Variants in PCDHGB7 observed in about 807,000 individuals in gnomAD.
PCDHGB7 encodes protocadherin gamma subfamily B, 7, also known as protocadherin gamma-B7.
In PCDHGB7, 37 loss-of-function variants were observed where a neutral mutation model predicts 61.4. The ratio of observed to expected loss-of-function variants is 0.60; its 90% CI spans 0.46 to 0.79. The LOEUF is 0.79. PCDHGB7 is among the 30% of genes least tolerant of loss of function. The pLI, the probability that PCDHGB7 is intolerant of heterozygous loss-of-function variation, is 0.00. For missense variants in PCDHGB7, 1,166 were observed against 1,202.5 expected (o/e 0.97, Z 0.45); for synonymous variants, 464 against 503.5 (o/e 0.92, Z 1.05).
intron 1 of PCDHGB7, among the ~76,000 whole-genome samples, chr5:141,482,767 A>G (rs2099572087): frequency 6.6e-6 from 1 of 150,474 alleles, no homozygotes; most frequent in East Asian, 1.9e-4. Flanking sequence ...TTTCATTATC[A>G]CTGAACCTTA....
chr5:141,474,628 A>C (rs1169097645), intron 1 of PCDHGB7, among the ~76,000 whole-genome samples: 1 of 152,234 alleles, frequency 6.6e-6, no homozygotes, highest in Non-Finnish European at 1.5e-5. Flanking sequence ...TCTCTTCCGG[A>C]AATATCCTAT....
At chr5:141,451,926 T>G (rs994841982) in intron 1 of PCDHGB7, among the ~76,000 whole-genome samples, 5 of 151,122 alleles carry the variant, frequency 3.3e-5, no homozygotes, top group Non-Finnish European at 7.4e-5. Context: ...GGAAGGGAGG[T>G]AGGGAGGCAG....
intron 1 of PCDHGB7, among the ~76,000 whole-genome samples, chr5:141,448,571 C>G (rs1207283773): frequency 6.6e-6 from 1 of 152,128 alleles, no homozygotes; most frequent in Non-Finnish European, 1.5e-5. Flanking sequence ...TTTTATTTCC[C>G]CATTTTTTTT....
Position 141,477,707 on chromosome 5 carries a change from C to T in PCDHGB7, c.2416-17100C>T. ...AGTGCCCCTAGACTATGAGGATCGG[C>T]GGGAATTTGAATTAACAGCTCATAT... On this transcript the variant is annotated intron_variant, in intron 1 of 3. Transcript: ENST00000398594. The surrounding 1 kb of genome is among the most constrained non-coding windows in gnomAD (Gnocchi z 4.9). 6.2e-7 allele frequency: 1 copy of T among 1,613,952 alleles called. No individual in the cohort carries two copies. Among genetic ancestry groups the T allele is most frequent in the South Asian group, 1.1e-5 (1 of 91,086 alleles).
At chr5:141,420,945 G>C in intron 1 of PCDHGB7, 1 of 396,520 alleles carries the variant, frequency 2.5e-6, no homozygotes, top group South Asian at 5.1e-5. Flanking sequence ...ATTTCTTCTG[G>C]AATTTCTTAG....
intron 2 of PCDHGB7, among the ~76,000 whole-genome samples, chr5:141,499,829 G>A (rs1322405697): frequency 6.6e-6 from 1 of 151,548 alleles, no homozygotes; most frequent in African/African-American, 2.4e-5. Context: ...TAGGATTACA[G>A]GTGTGCACCA....
intron 1 of PCDHGB7, among the ~76,000 whole-genome samples, chr5:141,447,234 G>T (rs534523483): frequency 9.9e-4 from 150 of 152,170 alleles, no homozygotes; most frequent in Non-Finnish European, 1.8e-3. Flanking sequence ...CCGCCTCCCG[G>T]GTTCAAGTGA....
chr5:141,434,667 G>T (rs1464226862), intron 1 of PCDHGB7, among the ~76,000 whole-genome samples: 3 of 152,074 alleles, frequency 2.0e-5, no homozygotes, highest in East Asian at 3.9e-4. Context: ...CTATAGAAAT[G>T]ATGCTAATGA....
rs192631651 is a variant in PCDHGB7 at position 141,432,052 on chromosome 5, C to T, written c.2415+11778C>T. On this transcript the variant is annotated intron_variant, in intron 1 of 3. Transcript: ENST00000398594. This position sits in a 1 kb window ranked among gnomAD's most constrained non-coding sequence, Gnocchi z 6.0. ...CCGCCACTGACCGGGGAACCCCGCC[C>T]CTATCCACGGAAACTCATATCTCGC... is the stretch of plus-strand genomic sequence containing the variant. The T allele has an allele frequency of 1.2e-6, 2 of 1,614,108 alleles. No individual in the cohort carries two copies. The highest frequency in any genetic ancestry group is 1.3e-5 in the African/African-American group (1 of 74,930).
At chr5:141,488,236 T>G (rs1333427955) in intron 1 of PCDHGB7, among the ~76,000 whole-genome samples, 2 of 152,154 alleles carry the variant, frequency 1.3e-5, no homozygotes, top group Non-Finnish European at 2.9e-5. Context: ...TTGAACTAGA[T>G]GCGGTAAATT....
chr5:141,497,211 G>C (rs914346878), intron 2 of PCDHGB7, among the ~76,000 whole-genome samples: 19 of 28,538 alleles, frequency 6.7e-4, no homozygotes, highest in African/African-American at 2.3e-3. Flanking sequence ...GAGTGTAATG[G>C]GGGGGGGAAG....
At position 141,432,688 on chromosome 5, in the gene PCDHGB7, A is replaced by G. The variant is rs143889434; in HGVS notation, c.2415+12414A>G. On this transcript the variant is annotated intron_variant, in intron 1 of 3. Coordinates refer to ENST00000398594, the MANE Select transcript of PCDHGB7 (RefSeq NM_018927.4). The surrounding 1 kb of genome is among the most constrained non-coding windows in gnomAD (Gnocchi z 6.0). ...GAGACGCGCTCAAGCAGAGCCTCGT[A>G]GTGGCCGTCCAGGACCACGGCCAGC... 2,218 of 1,613,894 alleles carry G rather than the reference A, an allele frequency of 1.4e-3. 31 individuals are homozygous for G. The African/African-American group carries it at 0.023, about 17-fold the overall frequency.
chr5:141,422,470 T>C, intron 1 of PCDHGB7: 1 of 1,613,440 alleles, frequency 6.2e-7, no homozygotes, highest in Non-Finnish European at 8.5e-7. Flanking sequence ...GGACAGGGAG[T>C]TGGTCCAGAG....
rs1279890312 is a variant in PCDHGB7, at chr5:141,432,403, G to C, written c.2415+12129G>C. On this transcript the variant is annotated intron_variant, in intron 1 of 3. Transcript: ENST00000398594. This position sits in a 1 kb window ranked among gnomAD's most constrained non-coding sequence, Gnocchi z 6.0. ...CGCCCCTCAGCAGCAACGTGTCGTT[G>C]AGCCTGTTCGTGCTGGACCAGAACG... 1.9e-6 allele frequency: 3 copies of C among 1,614,242 alleles called. No homozygotes were observed. Among genetic ancestry groups the C allele is most frequent in the Non-Finnish European group, 8.5e-7 (1 of 1,180,052 alleles).
intron 1 of PCDHGB7, among the ~76,000 whole-genome samples, chr5:141,454,617 G>T (rs2098794218): frequency 6.6e-6 from 1 of 151,322 alleles, no homozygotes; most frequent in Non-Finnish European, 1.5e-5. Context: ...TGTTGGTCAG[G>T]CTGGTCTCGA....
rs533857281 is a variant in PCDHGB7 at position 141,429,742 on chromosome 5, T to C, written c.2415+9468T>C. Among the ~76,000 whole-genome samples the C allele has an allele frequency of 3.8e-4, 58 of 152,336 alleles. 1 individual carries two copies. Among genetic ancestry groups the C allele is most frequent in the Admixed American group, 2.0e-4 (3 of 15,302 alleles). Reference sequence around the variant, plus strand: ...ATGAAAGTACGTAGCCAGTTATTTCTTAGGGAGAATTTTTTCCCTATATTT... The same window carrying C: ...ATGAAAGTACGTAGCCAGTTATTTCCTAGGGAGAATTTTTTCCCTATATTT... On this transcript the variant is annotated intron_variant, in intron 1 of 3. Transcript: ENST00000398594.
chr5:141,427,260 AC>A (rs1388196814), intron 1 of PCDHGB7: 1 of 456,770 alleles, frequency 2.2e-6, no homozygotes, highest in Admixed American at 2.3e-5. Flanking sequence ...TGGAGGCATG[AC>A]CAGCGAATGT....
intron 1 of PCDHGB7, among the ~76,000 whole-genome samples, chr5:141,483,599 G>A (rs1419379218): frequency 6.6e-6 from 1 of 152,048 alleles, no homozygotes; most frequent in African/African-American, 2.4e-5. Flanking sequence ...GGTCAGGCTG[G>A]TTTACACCTC....
At chr5:141,500,355 C>G (rs539892249) in intron 2 of PCDHGB7, among the ~76,000 whole-genome samples, 2 of 151,912 alleles carry the variant, frequency 1.3e-5, no homozygotes, top group Non-Finnish European at 2.9e-5. Flanking sequence ...ACTACAGGCG[C>G]CCACTACCAC....
Sources: allele counts gnomAD v4.1 joint callset (sites outside exome capture counted in the v4.1 genomes callset), GRCh38; gene constraint gnomAD v4.1.1; non-coding constraint Gnocchi (gnomAD v3.1); transcripts MANE v1.5; gene names NCBI Gene and HGNC (gene_info 2026-07-23, HGNC 2026-07-21).